The following FGGY variants were observed in gnomAD, a reference collection of about 807,000 sequenced individuals.
FGGY encodes FGGY carbohydrate kinase domain containing, also known as FGGY carbohydrate kinase domain-containing protein.
In FGGY, 72 loss-of-function variants were observed where a neutral mutation model predicts 71.3. That is an observed-to-expected ratio of 1.01 (90% CI 0.84 to 1.23). FGGY has a LOEUF of 1.23. Among genes scored for constraint, FGGY ranks in the 50% most tolerant of loss-of-function variants. The pLI is 0.00. For synonymous variants in FGGY, 251 were observed against 250.3 expected (o/e 1.00, Z -0.02); for missense variants, 668 against 682.3 (o/e 0.98, Z 0.23).
chr1:59,418,460 A>G (rs74087465), intron 5 of FGGY, among the ~76,000 whole-genome samples: 5,351 of 152,108 alleles, frequency 0.035, 275 homozygotes, highest in African/African-American at 0.12. Flanking sequence ...TCAGGATTTA[A>G]AAGGGAAAGA....
At chr1:59,424,940 A>T (rs2066085926) in intron 5 of FGGY, among the ~76,000 whole-genome samples, 1 of 152,214 alleles carries the variant, frequency 6.6e-6, no homozygotes, top group Non-Finnish European at 1.5e-5. Flanking sequence ...ACAGTTTTAG[A>T]AAAGCTCTTG....
intron 7 of FGGY, among the ~76,000 whole-genome samples, chr1:59,525,765 T>C (rs2094959461): frequency 6.6e-6 from 1 of 152,208 alleles, no homozygotes; most frequent in South Asian, 2.1e-4. Flanking sequence ...ACTGGGGACG[T>C]TCATAAACTC....
At chr1:59,505,896 C>T (rs1195105105) in intron 6 of FGGY, among the ~76,000 whole-genome samples, 4 of 152,044 alleles carry the variant, frequency 2.6e-5, no homozygotes, top group Admixed American at 2.0e-4. Context: ...TAGGAGCCCC[C>T]GCCTGTGAAG....
intron 5 of FGGY, among the ~76,000 whole-genome samples, chr1:59,428,232 A>G (rs902128063): frequency 6.6e-6 from 1 of 152,202 alleles, no homozygotes; most frequent in Non-Finnish European, 1.5e-5. Context: ...ATGGTGAGGA[A>G]CATACTCACA....
chr1:59,397,610 A>T (rs1478704891), intron 5 of FGGY, among the ~76,000 whole-genome samples: 1 of 152,190 alleles, frequency 6.6e-6, no homozygotes, highest in Non-Finnish European at 1.5e-5. Flanking sequence ...TGCAGGGTGT[A>T]GGCAGTGAAG....
chr1:59,615,641 C>A (rs1390107891), intron 9 of FGGY, among the ~76,000 whole-genome samples: 2 of 152,172 alleles, frequency 1.3e-5, no homozygotes, highest in Non-Finnish European at 2.9e-5. Context: ...CCAAAATTGA[C>A]AAATGAGATC....
intron 4 of FGGY, among the ~76,000 whole-genome samples, chr1:59,356,408 T>C (rs569899977): frequency 5.6e-4 from 85 of 152,286 alleles, no homozygotes; most frequent in African/African-American, 2.0e-3. Context: ...GGAAAACTTA[T>C]AATAATAGTT....
intron 14 of FGGY, among the ~76,000 whole-genome samples, chr1:59,721,692 T>C (rs188407931): frequency 1.3e-5 from 2 of 152,350 alleles, no homozygotes; most frequent in African/African-American, 2.4e-5. Flanking sequence ...ATTAACATCT[T>C]ACATTAGTAT....
chr1:59,738,474 T>C (rs2098123156), intron 14 of FGGY, among the ~76,000 whole-genome samples: 2 of 152,154 alleles, frequency 1.3e-5, no homozygotes. Context: ...AAAAAAACCA[T>C]GATCCAAAAT....
chr1:59,405,680 A>G (rs1391960557), intron 5 of FGGY, among the ~76,000 whole-genome samples: 2 of 152,192 alleles, frequency 1.3e-5, no homozygotes, highest in Non-Finnish European at 2.9e-5. Flanking sequence ...TTAGATACCT[A>G]CTCAGGAAGG....
At chr1:59,710,217 A>G (rs2097784389) in intron 14 of FGGY, among the ~76,000 whole-genome samples, 1 of 152,218 alleles carries the variant, frequency 6.6e-6, no homozygotes, top group Non-Finnish European at 1.5e-5. Context: ...TATTTAATAA[A>G]TGGTGTTGGG....
At chr1:59,518,697 G>A (rs535375165) in intron 7 of FGGY, among the ~76,000 whole-genome samples, 22 of 152,166 alleles carry the variant, frequency 1.4e-4, no homozygotes, top group South Asian at 2.1e-4. Context: ...CTTCTGCTCC[G>A]GCCATGTGAA....
At chr1:59,582,477 A>G (rs1356912494) in intron 8 of FGGY, among the ~76,000 whole-genome samples, 1 of 149,152 alleles carries the variant, frequency 6.7e-6, no homozygotes, top group African/African-American at 2.6e-5. Flanking sequence ...TTGCACTACT[A>G]CCCCTCACAG....
At chr1:59,634,188 C>T (rs546616853) in intron 10 of FGGY, among the ~76,000 whole-genome samples, 24 of 152,172 alleles carry the variant, frequency 1.6e-4, no homozygotes, top group Middle Eastern at 6.8e-3. Flanking sequence ...GGGCGGATCA[C>T]GAGGTCAGGA....
intron 12 of FGGY, among the ~76,000 whole-genome samples, chr1:59,666,614 A>G (rs2097328444): frequency 6.6e-6 from 1 of 152,242 alleles, no homozygotes; most frequent in Non-Finnish European, 1.5e-5. Flanking sequence ...TTAATGCACA[A>G]GAACTGAGAC....
At chr1:59,642,838 T>C (rs1338883724) in intron 11 of FGGY, among the ~76,000 whole-genome samples, 2 of 151,956 alleles carry the variant, frequency 1.3e-5, no homozygotes, top group Non-Finnish European at 1.5e-5. Context: ...GAGACCATCC[T>C]GGCTAACATG....
intron 14 of FGGY, among the ~76,000 whole-genome samples, chr1:59,690,663 A>G (rs1299364559): frequency 6.6e-6 from 1 of 152,150 alleles, no homozygotes; most frequent in African/African-American, 2.4e-5. Flanking sequence ...TGCTGGATAC[A>G]TGTATGCTGT....
chr1:59,344,360 A>G (rs2051345513), intron 3 of FGGY, among the ~76,000 whole-genome samples: 1 of 151,912 alleles, frequency 6.6e-6, no homozygotes. Context: ...GGAAGGGTAA[A>G]GAAAGCAACA....
At position 59,701,026 on chromosome 1, in the gene FGGY, C is replaced by A. The variant is rs530684252; in HGVS notation, c.1512+26893C>A. 2.1e-4 allele frequency among the ~76,000 whole-genome samples: 32 copies of A among 152,220 alleles called. No individual in the cohort carries two copies. In the East Asian group the frequency reaches 6.2e-3, roughly 29 times the overall value. Reference sequence around the variant, plus strand: ...CCTCTCTCTTTCCTTTCTCTGCTGCCAACACTTGTGTTTTCTGTCTCAGAC... The same window carrying A: ...CCTCTCTCTTTCCTTTCTCTGCTGCAAACACTTGTGTTTTCTGTCTCAGAC... On this transcript the variant is annotated intron_variant, in intron 14 of 15. Transcript: ENST00000303721.
Sources: gnomAD v4.1 joint callset for allele counts (sites outside exome capture counted in the v4.1 genomes callset) on GRCh38, gnomAD v4.1.1 for gene constraint, MANE v1.5 for transcripts, NCBI Gene and HGNC (gene_info 2026-07-23, HGNC 2026-07-21) for gene names.